Variants in USH1C observed in about 807,000 individuals in gnomAD.
USH1C encodes the protein harmonin.
Under a neutral mutation model 119.3 loss-of-function variants are expected in USH1C, and 90 were observed. The ratio of observed to expected loss-of-function variants is 0.75; its 90% confidence interval spans 0.64 to 0.90. USH1C has a LOEUF of 0.90. Among genes scored for constraint, USH1C ranks in the 40% least tolerant of loss-of-function variants. USH1C has a pLI of 0.00. For missense variants in USH1C, 1,165 were observed against 1,167.7 expected, an observed-to-expected ratio of 1.00 and a Z score of 0.03; for synonymous variants, 465 against 443.3, an observed-to-expected ratio of 1.05 and a Z score of -0.62.
At chr11:17,516,447 C>T (rs998695637) in intron 14 of USH1C, 157 bp from the exon 15 acceptor site, 54 of 766,278 alleles carry the variant, frequency 7.0e-5, no homozygotes, top group Non-Finnish European at 1.1e-4. Context: ...CTGTCCAACT[C>T]GGCTTACCTG....
intron 20 of USH1C, among the ~76,000 whole-genome samples, chr11:17,503,327 C>T (rs530092018): frequency 1.3e-4 from 20 of 152,326 alleles, no homozygotes; most frequent in African/African-American, 3.8e-4. Context: ...CTCTGGCCTC[C>T]TTGCTCCATG....
chr11:17,504,891 C>G (rs1164553988), intron 19 of USH1C, among the ~76,000 whole-genome samples, 194 bp from the exon 20 acceptor site: 1 of 152,206 alleles, frequency 6.6e-6, no homozygotes, highest in African/African-American at 2.4e-5. Flanking sequence ...GACACCACCC[C>G]TTGATATTAG....
At chr11:17,523,669 C>A (rs1274576074) in intron 9 of USH1C, among the ~76,000 whole-genome samples, 191 bp from the exon 10 acceptor site, 1 of 152,174 alleles carries the variant, frequency 6.6e-6, no homozygotes, top group African/African-American at 2.4e-5. Flanking sequence ...CTGACCCTGG[C>A]ACTCCCCTAC....
At chr11:17,525,747 C>T (rs76026583) in intron 8 of USH1C, among the ~76,000 whole-genome samples, 3,631 of 152,284 alleles carry the variant, frequency 0.024, 145 homozygotes, top group African/African-American at 0.082. Context: ...GATGACCAGC[C>T]AAACAGGCTC....
chr11:17,510,381 A>C (rs757998075), intron 17 of USH1C, 24 bp downstream of exon 17: 2 of 1,581,416 alleles, frequency 1.3e-6, no homozygotes, highest in Non-Finnish European at 1.7e-6. Context: ...AGGAGGGTCT[A>C]TGTGGAAAGA....
rs528008701 is a variant in USH1C at position 17,544,359 on chromosome 11, C to T, written c.-52G>A. On this transcript the variant is annotated 5_prime_UTR_variant, in exon 1 of 27. Coordinates refer to ENST00000005226, the MANE Select transcript of USH1C (RefSeq NM_153676.4). ...TGCACGACCCGTTCCTTCGGGTGCC[C>T]GGCTGCCAGGAGCTGGAAAGAGCCG... 1.2e-6 allele frequency: 2 copies of T among 1,612,660 alleles called. No homozygotes were observed. Among genetic ancestry groups the T allele is most frequent in the Non-Finnish European group, 8.5e-7 (1 of 1,179,386 alleles).
intron 24 of USH1C, 38 bp downstream of exon 24, chr11:17,498,124 A>AG: frequency 6.3e-7 from 1 of 1,584,530 alleles, no homozygotes; most frequent in Non-Finnish European, 8.7e-7. Flanking sequence ...TGAGGCAGGC[A>AG]GGTGAGGGAG....
intron 1 of USH1C, among the ~76,000 whole-genome samples, chr11:17,538,983 G>C (rs1197769403): frequency 6.6e-6 from 1 of 152,102 alleles, no homozygotes; most frequent in East Asian, 1.9e-4. Context: ...ATTTAATCCT[G>C]CCCTTTTCTG....
At chr11:17,495,109 C>G in intron 26 of USH1C, 2 of 250,710 alleles carry the variant, frequency 8.0e-6, no homozygotes, top group South Asian at 1.1e-4. Context: ...GGAGCAAGAG[C>G]TCCCAGGAGG....
intron 21 of USH1C, 54 bp from the exon 22 acceptor site, chr11:17,501,589 G>A (rs1394288897): frequency 1.9e-6 from 3 of 1,576,666 alleles, no homozygotes; most frequent in African/African-American, 1.3e-5. Context: ...GATGGCGCTT[G>A]GGGTAGGGCT....
intron 14 of USH1C, chr11:17,517,542 C>A (rs1006049401): frequency 8.1e-6 from 12 of 1,485,704 alleles, no homozygotes; most frequent in Middle Eastern, 1.7e-4. Flanking sequence ...GGCCGGAGAA[C>A]CTTCTCAGGA....
Position 17,531,652 on chromosome 11 carries a change from A to T in USH1C, c.105-110T>A. 1.4e-6 allele frequency: 2 copies of T among 1,406,116 alleles called. No homozygotes were observed. Among genetic ancestry groups the T allele is most frequent in the Non-Finnish European group, 2.0e-6 (2 of 1,024,426 alleles). 87.1% of individuals were successfully genotyped at this position (1,406,116 alleles called of 1,614,324 possible). ...CCACTGGGCCCAGGCTTAGGAATGG[A>T]GTAGACCACTCCTGAAAAGCCCAGA... On this transcript the variant is annotated intron_variant, in intron 2 of 26. Transcript: ENST00000005226. This position sits in a 1 kb window ranked among gnomAD's most constrained non-coding sequence, Gnocchi z 4.2.
rs775751358 is a variant in USH1C at position 17,509,693 on chromosome 11, G to A, written c.1676C>T (p.Ser559Phe). The change falls in exon 18 of 27, where the codon TCT becomes TTT. Residue 559 changes from serine (S) to phenylalanine (F), a missense_variant. Ser to Phe is a radical substitution (Grantham distance 155, BLOSUM62 -2). Coordinates refer to ENST00000005226, the MANE Select transcript of USH1C (RefSeq NM_153676.4). The stretch of plus-strand genomic sequence containing the variant: ...AGGGTGGGGCATCACAGGCAAGGCA[G>A]AGGGAGTCTTGGGGGGATAGTAGAA... ...DMFYYPPKTPSALPVMPHPPP... is the reference protein window; with the variant it reads ...DMFYYPPKTPFALPVMPHPPP... The A allele has an allele frequency of 5.6e-6, 9 of 1,599,550 alleles. No homozygotes were observed. The South Asian group carries it at 1.0e-4, about 18-fold the overall frequency.
chr11:17,501,131 G>T lies in USH1C; in HGVS notation c.2300C>A (p.Ala767Asp). 6.2e-7 allele frequency: 1 copy of T among 1,613,934 alleles called. No homozygotes were observed. The highest frequency in any genetic ancestry group is 8.5e-7 in the Non-Finnish European group (1 of 1,179,924). The change falls in exon 23 of 27, where the codon GCC (alanine) becomes GAC (aspartate). Residue 767 changes from alanine (A) to aspartate (D), a missense_variant. Transcript: ENST00000005226. ...RIKKEGSLDL[A>D]LEGGVDSPIG... ...GGGGGAGTCCACACCGCCTTCCAGGGCCAGGTCTAAGGATCCCTCCTGGTT... is the reference window on the plus strand; with the variant it reads ...GGGGGAGTCCACACCGCCTTCCAGGTCCAGGTCTAAGGATCCCTCCTGGTT...
chr11:17,500,923 A>G (rs915509729), intron 23 of USH1C, 128 bp downstream of exon 23: 37 of 781,252 alleles, frequency 4.7e-5, no homozygotes, highest in South Asian at 4.1e-4. Flanking sequence ...GGATGGATGG[A>G]CCCGAGTGGG....
At chr11:17,537,639 AT>A (rs1851282896) in intron 1 of USH1C, among the ~76,000 whole-genome samples, 1 of 152,032 alleles carries the variant, frequency 6.6e-6, no homozygotes, top group African/African-American at 2.4e-5. Context: ...TCTATCCACA[AT>A]GGACAGCTTT....
At chr11:17,523,060 A>C (rs761297646) in intron 11 of USH1C, 134 bp from the exon 12 acceptor site, 15 of 1,574,316 alleles carry the variant, frequency 9.5e-6, no homozygotes, top group African/African-American at 1.4e-5. Flanking sequence ...CCCTGACCCA[A>C]ACTTCTTGCT....
intron 4 of USH1C, 37 bp from the exon 5 acceptor site, chr11:17,527,368 G>GT: frequency 6.6e-7 from 1 of 1,523,980 alleles, no homozygotes; most frequent in South Asian, 1.1e-5. Context: ...ACCAGGTGGA[G>GT]GGAGCATCAG....
chr11:17,526,237 C>T (rs959287337), intron 8 of USH1C, 110 bp downstream of exon 8: 26 of 902,590 alleles, frequency 2.9e-5, no homozygotes, highest in Non-Finnish European at 4.1e-5. Context: ...GACAGTCACA[C>T]CCCTGGTGGG....
Sources: gnomAD v4.1 joint callset for allele counts (sites outside exome capture counted in the v4.1 genomes callset) on GRCh38, gnomAD v4.1.1 for gene constraint, Gnocchi (gnomAD v3.1) non-coding constraint, MANE v1.5 for transcripts, NCBI Gene and HGNC (gene_info 2026-07-23, HGNC 2026-07-21) for gene names.